KANSL1: variants seen among roughly 807,000 people sequenced by gnomAD.
KANSL1 encodes the protein KAT8 regulatory NSL complex subunit 1, also known as MLL1/MLL complex subunit KANSL1.
KANSL1 carries 22 observed loss-of-function variants against 103.6 expected under a neutral mutation model. That is an observed-to-expected ratio of 0.21 (90% CI 0.15 to 0.30). The LOEUF is 0.30. Among genes scored for constraint, KANSL1 ranks in the 10% least tolerant of loss-of-function variants. The probability of loss-of-function intolerance (pLI) is 1.00; values close to 1 mark genes in which losing one functional copy is unlikely to be tolerated. For missense variants in KANSL1, 1,337 were observed against 1,399.8 expected (o/e 0.96, Z 0.72); for synonymous variants, 600 against 527.6 (o/e 1.14, Z -1.88).
At chr17:46,070,224 T>C (rs2078525289) in intron 4 of KANSL1, among the ~76,000 whole-genome samples, 1 of 152,244 alleles carries the variant, frequency 6.6e-6, no homozygotes, top group African/African-American at 2.4e-5. Context: ...ATTATAACTA[T>C]AGTTATCAGT....
chr17:46,188,057 C>T (rs1243047927), intron 1 of KANSL1, among the ~76,000 whole-genome samples: 4 of 152,212 alleles, frequency 2.6e-5, no homozygotes, highest in Non-Finnish European at 5.9e-5. Context: ...TTTTGTTCTA[C>T]ATCCTAAAAG....
intron 1 of KANSL1, among the ~76,000 whole-genome samples, chr17:46,180,543 G>A (rs1253904887): frequency 5.9e-5 from 9 of 152,012 alleles, no homozygotes; most frequent in Admixed American, 6.6e-5. Context: ...AAATTTAGCC[G>A]GGCATGATGG....
In KANSL1 at chr17:46,138,211, G is replaced by A. The variant is rs892887632; in HGVS notation, c.1289+32644C>T. On this transcript the variant is annotated intron_variant, in intron 2 of 14. Coordinates refer to ENST00000432791, the MANE Select transcript of KANSL1 (RefSeq NM_015443.4). ...TGTCAACATGACACTCAAAGGTAAT[G>A]TTTATTGAAGCATTTTGGGTTTCCA... Among the ~76,000 whole-genome samples, 18 of 152,328 alleles carry A rather than the reference G, an allele frequency of 1.2e-4. No individual in the cohort carries two copies. The East Asian group carries it at 3.5e-3, about 29-fold the overall frequency.
intron 7 of KANSL1, chr17:46,044,902 A>G (rs1335273825): frequency 6.6e-6 from 1 of 152,176 alleles, no homozygotes; most frequent in East Asian, 1.9e-4. Flanking sequence ...TATCTGTCCT[A>G]TGGGGCCAGA....
intron 3 of KANSL1, among the ~76,000 whole-genome samples, chr17:46,086,365 T>A (rs1367992102): frequency 6.6e-6 from 1 of 152,232 alleles, no homozygotes; most frequent in Non-Finnish European, 1.5e-5. Flanking sequence ...CTTATGTCTC[T>A]ACAGGCCAAT....
At chr17:46,170,590 C>T (rs2046232447) in intron 2 of KANSL1, 1 of 484,618 alleles carries the variant, frequency 2.1e-6, no homozygotes, top group African/African-American at 2.0e-5. Flanking sequence ...CAATTTTACA[C>T]ATAAGATGTC....
At chr17:46,186,557 T>C (rs17663351) in intron 1 of KANSL1, among the ~76,000 whole-genome samples, 18,632 of 150,144 alleles carry the variant, frequency 0.12, 23 homozygotes, top group Middle Eastern at 0.19. Flanking sequence ...CTAATATCCA[T>C]TTTTCATTCT....
At chr17:46,066,452 G>A in intron 6 of KANSL1, 85 bp downstream of exon 6, 1 of 1,282,288 alleles carries the variant, frequency 7.8e-7, no homozygotes. Flanking sequence ...GCCAAGTTTA[G>A]AAAACACCAA....
At chr17:46,090,795 A>G (rs1254899960) in intron 3 of KANSL1, among the ~76,000 whole-genome samples, 2 of 152,254 alleles carry the variant, frequency 1.3e-5, no homozygotes, top group African/African-American at 4.8e-5. Flanking sequence ...AGCACAAAGC[A>G]CTACTCCTGT....
At chr17:46,083,529 G>A (rs1474712201) in intron 3 of KANSL1, among the ~76,000 whole-genome samples, 1 of 152,070 alleles carries the variant, frequency 6.6e-6, no homozygotes, top group Non-Finnish European at 1.5e-5. Flanking sequence ...TTTTATGGGG[G>A]AAGGGAGGCA....
chr17:46,082,660 A>G (rs1177056974), intron 3 of KANSL1, 118 bp from the exon 4 acceptor site: 2 of 528,952 alleles, frequency 3.8e-6, no homozygotes, highest in Admixed American at 3.6e-5. Context: ...TCCTCACCCT[A>G]TGGTTCAGAA....
intron 1 of KANSL1, among the ~76,000 whole-genome samples, chr17:46,191,799 T>C (rs1005233272): frequency 7.9e-5 from 12 of 152,096 alleles, no homozygotes; most frequent in African/African-American, 2.7e-4. Flanking sequence ...ACAAAGGAGA[T>C]GGCAACACCA....
intron 2 of KANSL1, among the ~76,000 whole-genome samples, chr17:46,148,959 A>T (rs2696584): frequency 0.12 from 18,337 of 148,320 alleles, 21 homozygotes; most frequent in Middle Eastern, 0.2. Flanking sequence ...CAAGTTACCA[A>T]ATTCAAAAAA....
intron 2 of KANSL1, among the ~76,000 whole-genome samples, chr17:46,147,210 A>T (rs750300761): frequency 4.5e-4 from 69 of 152,206 alleles, no homozygotes; most frequent in Non-Finnish European, 8.4e-4. Context: ...CAACAGAAAA[A>T]TCAACCAATA....
chr17:46,109,582 A>G (rs991908084), intron 2 of KANSL1, among the ~76,000 whole-genome samples: 2 of 152,238 alleles, frequency 1.3e-5, no homozygotes, highest in African/African-American at 4.8e-5. Flanking sequence ...TAGACCTCAA[A>G]GGTTGAGCTA....
At chr17:46,139,699 A>G (rs113413479) in intron 2 of KANSL1, among the ~76,000 whole-genome samples, 107 of 152,386 alleles carry the variant, frequency 7.0e-4, no homozygotes, top group African/African-American at 2.5e-3. Flanking sequence ...TATTACGTAC[A>G]TAAAAGCATA....
In KANSL1 at chr17:46,039,020, G is replaced by A. The variant is rs762765830; in HGVS notation, c.2392+7C>T. 1.9e-6 allele frequency: 3 copies of A among 1,609,298 alleles called. No individual in the cohort carries two copies. The East Asian group carries it at 6.7e-5, about 36-fold the overall frequency. ...TGCAGGTAGAGGTGCCATGGGCCTG[G>A]CCCTACCTTCACTTCTCTCAGATGA... On this transcript the variant is annotated splice_region_variant and intron_variant, in intron 9 of 14. Coordinates refer to ENST00000432791, the MANE Select transcript of KANSL1 (RefSeq NM_015443.4).
intron 7 of KANSL1, chr17:46,041,704 G>A (rs528847351): frequency 2.6e-5 from 4 of 152,144 alleles, no homozygotes; most frequent in Admixed American, 6.5e-5. Flanking sequence ...TTAATTCTGG[G>A]TCAAAAACCT....
intron 2 of KANSL1, among the ~76,000 whole-genome samples, chr17:46,104,746 C>T (rs2042459999): frequency 6.6e-6 from 1 of 152,184 alleles, no homozygotes; most frequent in African/African-American, 2.4e-5. Context: ...CAGTTCTTGA[C>T]TGGCTGTAGG....
Sources: gnomAD v4.1 joint callset for allele counts (sites outside exome capture counted in the v4.1 genomes callset) on GRCh38, gnomAD v4.1.1 for gene constraint, MANE v1.5 for transcripts, NCBI Gene and HGNC (gene_info 2026-07-23, HGNC 2026-07-21) for gene names.